Variants in ARHGEF28 observed in about 807,000 individuals in gnomAD.
ARHGEF28 encodes the protein Rho guanine nucleotide exchange factor 28.
ARHGEF28 carries 152 observed loss-of-function variants against 206.6 expected under a neutral mutation model. The observed-to-expected ratio is 0.74, with a 90% CI of 0.64 to 0.84. The LOEUF (loss-of-function observed/expected upper bound fraction) is 0.84, where lower values mean the gene tolerates loss of function less well. Among genes scored for constraint, ARHGEF28 ranks in the 40% least tolerant of loss-of-function variants. The probability of loss-of-function intolerance (pLI) is 0.00; values close to 1 mark genes in which losing one functional copy is unlikely to be tolerated. For missense variants in ARHGEF28, 2,028 were observed against 2,073.2 expected (o/e 0.98, Z 0.42); for synonymous variants, 763 against 776.4 (o/e 0.98, Z 0.29).
At chr5:73,632,841 T>C (rs1191459803) in intron 1 of ARHGEF28, among the ~76,000 whole-genome samples, 1 of 152,148 alleles carries the variant, frequency 6.6e-6, no homozygotes, top group Non-Finnish European at 1.5e-5. Context: ...GGGATTCGTG[T>C]TGTAGAAGAC....
intron 6 of ARHGEF28, among the ~76,000 whole-genome samples, chr5:73,778,986 G>A (rs920973303): frequency 3.9e-5 from 6 of 152,104 alleles, no homozygotes; most frequent in African/African-American, 1.2e-4. Context: ...TTTAGTCTCC[G>A]GGTTTGGGCA....
At chr5:73,864,605 C>T (rs1482330947) in intron 16 of ARHGEF28, among the ~76,000 whole-genome samples, 2 of 152,178 alleles carry the variant, frequency 1.3e-5, no homozygotes, top group Admixed American at 6.5e-5. Flanking sequence ...GGAGAAATAT[C>T]TCCAAAGAGA....
At chr5:73,706,970 A>G (rs528130089) in intron 2 of ARHGEF28, among the ~76,000 whole-genome samples, 96 of 152,320 alleles carry the variant, frequency 6.3e-4, no homozygotes, top group African/African-American at 2.1e-3. Flanking sequence ...GTTCTAGACT[A>G]GTAGCCCTGT....
intron 2 of ARHGEF28, among the ~76,000 whole-genome samples, chr5:73,740,621 C>T (rs1162689559): frequency 1.3e-5 from 2 of 152,162 alleles, no homozygotes; most frequent in African/African-American, 2.4e-5. Flanking sequence ...TGACCATTTA[C>T]CCATGAGTCG....
chr5:73,658,994 C>CACAA (rs1745414543), intron 1 of ARHGEF28, among the ~76,000 whole-genome samples: 2 of 151,728 alleles, frequency 1.3e-5, no homozygotes, highest in Admixed American at 6.6e-5. Context: ...CACACACACA[C>CACAA]ACACACACAC....
chr5:73,877,859 GA>G (rs1240576856), intron 22 of ARHGEF28, among the ~76,000 whole-genome samples: 1 of 152,056 alleles, frequency 6.6e-6, no homozygotes, highest in Non-Finnish European at 1.5e-5. Flanking sequence ...GCCAATTTTG[GA>G]ATAGGTGTGG....
rs377328399 is a variant in ARHGEF28, at chr5:73,840,757, G to C, written c.1424G>C (p.Arg475Thr). 1.2e-6 allele frequency: 2 copies of C among 1,605,990 alleles called. No individual in the cohort carries two copies. Among genetic ancestry groups the C allele is most frequent in the Admixed American group, 1.7e-5 (1 of 58,686 alleles). The change falls in exon 11 of 36, where the codon AGA (arginine) becomes ACA (threonine). Residue 475 changes from arginine to threonine, a missense_variant. Arg to Thr is a moderately conservative substitution (Grantham distance 71). Transcript: ENST00000513042. ...AAGGAACAAAGTCATCTAAAGAAAA[G>C]AAGGTAAGAGTCTATATTGTAGAGG... ...FEKEQSHLKK[R>T]SSSLDALDAD...
rs907470573 is a variant in ARHGEF28, at chr5:73,736,262, C to T, written c.34-13575C>T. The stretch of plus-strand genomic sequence containing the variant: ...ATGGTCACGGAGCCAATCAATGCAC[C>T]GGGCTGTCTCTTGTTTTCGGCAGAG... On this transcript the variant is annotated intron_variant, in intron 2 of 35. Transcript: ENST00000513042. 2.6e-5 allele frequency among the ~76,000 whole-genome samples: 4 copies of T among 152,140 alleles called. No individual in the cohort carries two copies. In the South Asian group the frequency reaches 6.2e-4, roughly 24 times the overall value.
At chr5:73,741,387 A>ATG (rs1561371087) in intron 2 of ARHGEF28, among the ~76,000 whole-genome samples, 4 of 9,330 alleles carry the variant, frequency 4.3e-4, no homozygotes, top group African/African-American at 1.8e-3. Context: ...GTGTGTGTGT[A>ATG]TATATATATA....
At chr5:73,781,582 CAG>C (rs1421084932) in intron 7 of ARHGEF28, among the ~76,000 whole-genome samples, 2 of 152,096 alleles carry the variant, frequency 1.3e-5, no homozygotes, top group East Asian at 1.9e-4. Context: ...TGGTAATAAA[CAG>C]AAGTTTTCAT....
In ARHGEF28 at chr5:73,797,256, A is replaced by G. The variant is rs182847650; in HGVS notation, c.1024+1865A>G. ...TAATAAAGTCCCCTGAGTTTTTGCA[A>G]AGGAAATTATAACAGATTTTCAAAG... On this transcript the variant is annotated intron_variant, in intron 9 of 35. Coordinates refer to ENST00000513042, the MANE Select transcript of ARHGEF28 (RefSeq NM_001177693.2). Among the ~76,000 whole-genome samples, 394 of 147,732 alleles carry G rather than the reference A, an allele frequency of 2.7e-3. 1 individual carries two copies. Among genetic ancestry groups the G allele is most frequent in the African/African-American group, 9.3e-3 (363 of 38,838 alleles).
At chr5:73,844,146 G>A (rs1445641970) in intron 11 of ARHGEF28, among the ~76,000 whole-genome samples, 3 of 152,228 alleles carry the variant, frequency 2.0e-5, no homozygotes, top group Non-Finnish European at 4.4e-5. Flanking sequence ...AAAAGTAGTA[G>A]CCCCATTTGA....
intron 2 of ARHGEF28, among the ~76,000 whole-genome samples, chr5:73,739,700 C>T (rs1209453671): frequency 6.6e-6 from 1 of 151,396 alleles, no homozygotes; most frequent in African/African-American, 2.4e-5. Context: ...AGTTCCAGCT[C>T]CTCAGGAGAC....
At chr5:73,864,461 C>A (rs1759581621) in intron 16 of ARHGEF28, among the ~76,000 whole-genome samples, 1 of 152,048 alleles carries the variant, frequency 6.6e-6, no homozygotes, top group Non-Finnish European at 1.5e-5. Context: ...TTACTACCAG[C>A]CAGGTGTCAG....
At chr5:73,787,577 C>T (rs1425091072) in intron 7 of ARHGEF28, among the ~76,000 whole-genome samples, 1 of 152,132 alleles carries the variant, frequency 6.6e-6, no homozygotes, top group Non-Finnish European at 1.5e-5. Flanking sequence ...TAACGTTCCC[C>T]TCCCTGTGTC....
chr5:73,817,927 G>C (rs1160138955), intron 9 of ARHGEF28, among the ~76,000 whole-genome samples: 1 of 152,150 alleles, frequency 6.6e-6, no homozygotes, highest in Non-Finnish European at 1.5e-5. Context: ...AAGTGACAGG[G>C]AGAGACTCTG....
At chr5:73,810,843 T>C (rs1298973305) in intron 9 of ARHGEF28, among the ~76,000 whole-genome samples, 1 of 152,230 alleles carries the variant, frequency 6.6e-6, no homozygotes, top group Non-Finnish European at 1.5e-5. Context: ...ACCAACTTAA[T>C]AAAACAAGTT....
chr5:73,865,898 T>C (rs1759673498), intron 17 of ARHGEF28, 67 bp from the exon 18 acceptor site: 4 of 1,133,660 alleles, frequency 3.5e-6, no homozygotes, highest in Non-Finnish European at 3.9e-6. Context: ...TGTGTAACTA[T>C]GTGGATATTC....
chr5:73,832,555 T>C (rs1417169173), intron 10 of ARHGEF28, 96 bp downstream of exon 10: 3 of 1,476,712 alleles, frequency 2.0e-6, no homozygotes, highest in Admixed American at 2.1e-5. Flanking sequence ...CCTTTGACAA[T>C]TTTAGCCTAA....
Sources: allele counts gnomAD v4.1 joint callset (sites outside exome capture counted in the v4.1 genomes callset), GRCh38; gene constraint gnomAD v4.1.1; transcripts MANE v1.5; gene names NCBI Gene and HGNC (gene_info 2026-07-23, HGNC 2026-07-21).